Variants in DNAJC1 observed in about 807,000 individuals in gnomAD.
DNAJC1 encodes the protein DnaJ heat shock protein family (Hsp40) member C1, also known as dnaJ homolog subfamily C member 1.
DNAJC1 carries 58 observed loss-of-function variants against 76.6 expected under a neutral mutation model. That is an observed-to-expected ratio of 0.76 (90% CI 0.61 to 0.94). The LOEUF (loss-of-function observed/expected upper bound fraction) is 0.94, where lower values mean the gene tolerates loss of function less well. DNAJC1 is among the 40% of genes least tolerant of loss of function. The pLI is 0.00. For missense variants in DNAJC1, 689 were observed against 677.3 expected, an observed-to-expected ratio of 1.02 and a Z score of -0.19; for synonymous variants, 258 against 267.9, an observed-to-expected ratio of 0.96 and a Z score of 0.36.
intron 7 of DNAJC1, among the ~76,000 whole-genome samples, chr10:21,896,490 T>C (rs1043899800): frequency 1.3e-5 from 2 of 152,204 alleles, no homozygotes; most frequent in Admixed American, 6.5e-5. Context: ...ATCAATTTTA[T>C]GCCGGTCCCA....
In DNAJC1 at chr10:21,881,844, TAA is replaced by T. The variant is rs1002377641; in HGVS notation, c.978+436_978+437del. Reference sequence around the variant, plus strand: ...AGGGCTGCCACAAACCCTCAATTTGTAAAAAAAAAAAAAAAAAAAAAAAAAAC... The same window carrying T: ...AGGGCTGCCACAAACCCTCAATTTGTAAAAAAAAAAAAAAAAAAAAAAAAC... On this transcript the variant is annotated intron_variant, in intron 8 of 11. Coordinates refer to ENST00000376980, the MANE Select transcript of DNAJC1 (RefSeq NM_022365.4). Among the ~76,000 whole-genome samples the T allele has an allele frequency of 3.9e-3, 215 of 55,408 alleles. 2 individuals carry two copies. The highest frequency in any genetic ancestry group is 0.013 in the African/African-American group (201 of 15,080). The allele number at this position is 55,408 out of a possible 152,430, so 36.3% of individuals were successfully genotyped here.
intron 1 of DNAJC1, among the ~76,000 whole-genome samples, chr10:21,987,674 C>A (rs114343484): frequency 5.3e-5 from 8 of 152,096 alleles, no homozygotes; most frequent in African/African-American, 1.9e-4. Flanking sequence ...TAGGTTAAAG[C>A]CTTCAAAATA....
chr10:21,967,058 C>A (rs1020082466), intron 1 of DNAJC1, among the ~76,000 whole-genome samples: 5 of 139,896 alleles, frequency 3.6e-5, no homozygotes, highest in Non-Finnish European at 7.7e-5. Flanking sequence ...TTTTTACAGT[C>A]TTACTGAAAT....
intron 1 of DNAJC1, among the ~76,000 whole-genome samples, chr10:21,997,153 T>A (rs1838429354): frequency 1.3e-5 from 2 of 152,246 alleles, no homozygotes; most frequent in East Asian, 1.9e-4. Flanking sequence ...AAATTGATAA[T>A]CACAGTACAA....
rs79009374 is a variant in DNAJC1 at position 21,891,692 on chromosome 10, T to C, written c.821-9253A>G. The stretch of plus-strand genomic sequence containing the variant: ...AAATGCTGAAAGAAAGTAACTGTTA[T>C]ACCTGAAGTCAATATCCTGTGACAA... On this transcript the variant is annotated intron_variant, in intron 7 of 11. Coordinates refer to ENST00000376980, the MANE Select transcript of DNAJC1 (RefSeq NM_022365.4). 7.6e-3 allele frequency among the ~76,000 whole-genome samples: 1,161 copies of C among 152,208 alleles called. 11 individuals are homozygous for C. Among genetic ancestry groups the C allele is most frequent in the Middle Eastern group, 0.017 (5 of 294 alleles).
At chr10:21,967,012 TTC>T (rs1317945528) in intron 1 of DNAJC1, among the ~76,000 whole-genome samples, 55 of 59,844 alleles carry the variant, frequency 9.2e-4, no homozygotes, top group African/African-American at 2.5e-3. Flanking sequence ...CTTCTTCTTC[TTC>T]TTTTTTTTTT....
At chr10:21,792,588 C>G (rs1834703013) in intron 9 of DNAJC1, among the ~76,000 whole-genome samples, 1 of 151,570 alleles carries the variant, frequency 6.6e-6, no homozygotes, top group African/African-American at 2.4e-5. Context: ...GAAACCCTGT[C>G]TCTACTGAAA....
intron 9 of DNAJC1, among the ~76,000 whole-genome samples, chr10:21,766,885 G>A (rs889003833): frequency 2.7e-5 from 4 of 149,986 alleles, no homozygotes; most frequent in Non-Finnish European, 4.4e-5. Context: ...CAGGAGAATC[G>A]CTTGAACCCA....
At position 21,759,235 on chromosome 10, in the gene DNAJC1, G is replaced by C. The variant is rs900240772; in HGVS notation, c.1531C>G (p.Gln511Glu). ...QQKLLELALQ[Q>E]YPRGSSDRWD... ...CGGTCAGAGGATCCCCTTGGGTACTGCTGCAACGCCAGTTCCAGAAGTTTC... is the reference window on the plus strand; with the variant it reads ...CGGTCAGAGGATCCCCTTGGGTACTCCTGCAACGCCAGTTCCAGAAGTTTC... The change falls in exon 11 of 12, where the codon CAG becomes GAG. Residue 511 changes from glutamine (Q) to glutamate (E), a missense_variant. By Grantham distance (29) the Gln-to-Glu change is conservative. Coordinates refer to ENST00000376980, the MANE Select transcript of DNAJC1 (RefSeq NM_022365.4). 7.4e-6 allele frequency: 12 copies of C among 1,614,098 alleles called. No individual in the cohort carries two copies. The highest frequency in any genetic ancestry group is 1.0e-5 in the Non-Finnish European group (12 of 1,180,056).
chr10:21,856,976 T>A (rs1266726765), intron 8 of DNAJC1, among the ~76,000 whole-genome samples: 1 of 152,086 alleles, frequency 6.6e-6, no homozygotes, highest in Non-Finnish European at 1.5e-5. Flanking sequence ...TCTCAGGTGA[T>A]CCACCCACCT....
chr10:21,833,625 T>C (rs374844258), intron 8 of DNAJC1, among the ~76,000 whole-genome samples: 14 of 152,296 alleles, frequency 9.2e-5, no homozygotes, highest in East Asian at 7.7e-4. Flanking sequence ...AAGAAAATAA[T>C]AGCATCTACC....
chr10:21,851,985 G>A (rs1315975832), intron 8 of DNAJC1, among the ~76,000 whole-genome samples: 2 of 151,700 alleles, frequency 1.3e-5, no homozygotes, highest in African/African-American at 2.4e-5. Flanking sequence ...CCCGGGAGGC[G>A]GAGCTTGCAG....
chr10:21,871,822 A>G (rs181229986), intron 8 of DNAJC1, among the ~76,000 whole-genome samples: 2 of 151,874 alleles, frequency 1.3e-5, no homozygotes, highest in East Asian at 3.9e-4. Context: ...TTTAGTAGAG[A>G]GAGGGTTTCA....
intron 6 of DNAJC1, among the ~76,000 whole-genome samples, chr10:21,910,161 G>T (rs1384565444): frequency 6.6e-6 from 1 of 151,714 alleles, no homozygotes; most frequent in Admixed American, 6.6e-5. Context: ...TGTCACCCAG[G>T]CTGGAGTGGA....
chr10:21,923,890 A>G (rs768425065), intron 3 of DNAJC1, among the ~76,000 whole-genome samples: 1 of 152,000 alleles, frequency 6.6e-6, no homozygotes, highest in Non-Finnish European at 1.5e-5. Flanking sequence ...AAACGTTACA[A>G]TTTTTTGAAA....
At chr10:21,847,290 C>T (rs770589567) in intron 8 of DNAJC1, among the ~76,000 whole-genome samples, 21 of 152,232 alleles carry the variant, frequency 1.4e-4, no homozygotes, top group Non-Finnish European at 2.4e-4. Flanking sequence ...ATATCATTTA[C>T]TTTCTCCCAA....
At chr10:21,794,266 C>CAAAAAAAAA (rs542182948) in intron 9 of DNAJC1, among the ~76,000 whole-genome samples, 1 of 53,588 alleles carries the variant, frequency 1.9e-5, no homozygotes, top group African/African-American at 6.6e-5. Context: ...TTCCTATCTT[C>CAAAAAAAAA]AAAAAAAAAA....
At chr10:21,775,471 T>G (rs898079543) in intron 9 of DNAJC1, among the ~76,000 whole-genome samples, 1 of 151,972 alleles carries the variant, frequency 6.6e-6, no homozygotes, top group African/African-American at 2.4e-5. Flanking sequence ...CATTTATGAT[T>G]CTAGGTAGAT....
rs535378239 is a variant in DNAJC1 at position 21,930,865 on chromosome 10, A to AT, written c.223-1725dup. On this transcript the variant is annotated intron_variant, in intron 1 of 11. Coordinates refer to ENST00000376980, the MANE Select transcript of DNAJC1 (RefSeq NM_022365.4). ...TCTCTAATTGGGATTTTAATTGTAGATTTTTTTAAATTGGGACTATATAAT... is the reference window on the plus strand; with the variant it reads ...TCTCTAATTGGGATTTTAATTGTAGATTTTTTTTAAATTGGGACTATATAAT... Among the ~76,000 whole-genome samples, 57 of 152,324 alleles carry AT rather than the reference A, an allele frequency of 3.7e-4. 1 individual carries two copies. Among genetic ancestry groups the AT allele is most frequent in the African/African-American group, 1.3e-3 (54 of 41,568 alleles).
Sources: allele counts gnomAD v4.1 joint callset (sites outside exome capture counted in the v4.1 genomes callset), GRCh38; gene constraint gnomAD v4.1.1; transcripts MANE v1.5; gene names NCBI Gene and HGNC (gene_info 2026-07-23, HGNC 2026-07-21).